The following AIM2 variants were observed in gnomAD, a reference collection of about 807,000 sequenced individuals.
The protein encoded by AIM2 is interferon-inducible protein AIM2.
AIM2 carries 30 observed loss-of-function variants against 27.7 expected under a neutral mutation model. The ratio of observed to expected loss-of-function variants is 1.08; its 90% confidence interval spans 0.81 to 1.47. AIM2 has a LOEUF of 1.47. Ranked by LOEUF, AIM2 falls within the 40% of genes most tolerant of loss-of-function variation. The pLI is 0.00. For missense variants in AIM2, 358 were observed against 411.3 expected (o/e 0.87, Z 1.12); for synonymous variants, 141 against 145.3 (o/e 0.97, Z 0.21).
intron 4 of AIM2, 44 bp from the exon 5 acceptor site, chr1:159,063,718 T>G (rs2101961738): frequency 3.8e-6 from 6 of 1,574,310 alleles, no homozygotes; most frequent in Non-Finnish European, 5.2e-6. Context: ...ATCGGATTAA[T>G]GAATGCCGCA....
intron 1 of AIM2, among the ~76,000 whole-genome samples, chr1:159,132,786 T>C (rs1459622695): frequency 2.0e-5 from 3 of 152,236 alleles, no homozygotes; most frequent in African/African-American, 7.2e-5. Context: ...GGCAGTCCAG[T>C]ACCTCCAAAT....
At chr1:159,067,783 C>G (rs1482949318) in intron 3 of AIM2, among the ~76,000 whole-genome samples, 3 of 152,028 alleles carry the variant, frequency 2.0e-5, no homozygotes, top group African/African-American at 7.2e-5. Context: ...AGAGCTCACA[C>G]AGGTATAAAA....
chr1:159,117,066 A>C (rs770533019), intron 1 of AIM2, among the ~76,000 whole-genome samples: 1 of 152,242 alleles, frequency 6.6e-6, no homozygotes, highest in Non-Finnish European at 1.5e-5. Context: ...AAAATGAGTA[A>C]GTGGCCAGAA....
chr1:159,079,769 A>G (rs1656732118), upstream of AIM2, among the ~76,000 whole-genome samples: 1 of 152,160 alleles, frequency 6.6e-6, no homozygotes. Context: ...GGACAAATGT[A>G]TAATGAGTAT....
chr1:159,118,458 A>G (rs1482189888), intron 1 of AIM2, among the ~76,000 whole-genome samples: 1 of 152,222 alleles, frequency 6.6e-6, no homozygotes, highest in Non-Finnish European at 1.5e-5. Flanking sequence ...ATTCAAAGGC[A>G]GTGATGTTAC....
At chr1:159,082,268 A>G (rs2102000443) in intron 1 of AIM2, among the ~76,000 whole-genome samples, 1 of 152,360 alleles carries the variant, frequency 6.6e-6, no homozygotes, top group South Asian at 2.1e-4. Context: ...AATCACATGT[A>G]CATGTAAGGA....
At chr1:159,102,265 A>T (rs1270943944) in intron 1 of AIM2, among the ~76,000 whole-genome samples, 1 of 152,230 alleles carries the variant, frequency 6.6e-6, no homozygotes, top group Non-Finnish European at 1.5e-5. Context: ...CGCAGAAGAC[A>T]AGAATTGAGG....
At chr1:159,073,995 C>T (rs555180031) in intron 1 of AIM2, among the ~76,000 whole-genome samples, 46 of 152,150 alleles carry the variant, frequency 3.0e-4, no homozygotes, top group African/African-American at 1.0e-3. Context: ...GCCAAGATCG[C>T]GCCATTGCAC....
intron 1 of AIM2, among the ~76,000 whole-genome samples, chr1:159,137,549 C>T (rs1277094593): frequency 6.6e-6 from 1 of 152,106 alleles, no homozygotes; most frequent in Non-Finnish European, 1.5e-5. Context: ...CCCAGCTACT[C>T]AGGAGGCTGA....
intron 1 of AIM2, among the ~76,000 whole-genome samples, chr1:159,133,053 C>G (rs1366866473): frequency 1.3e-5 from 2 of 152,222 alleles, no homozygotes; most frequent in Non-Finnish European, 2.9e-5. Context: ...TACCTTCTTT[C>G]CTTCCAAGGG....
chr1:159,088,098 C>T (rs908110106), intron 1 of AIM2, among the ~76,000 whole-genome samples: 2 of 151,920 alleles, frequency 1.3e-5, no homozygotes, highest in African/African-American at 2.4e-5. Context: ...GGTGGAACAT[C>T]GGGTGGACAG....
intron 1 of AIM2, among the ~76,000 whole-genome samples, chr1:159,084,776 A>AACAC: frequency 4.1e-5 from 1 of 24,146 alleles, no homozygotes; most frequent in African/African-American, 6.6e-5. Context: ...CCCTGTCTGA[A>AACAC]ATACACACAC....
chr1:159,145,190 CTGTGCAGA>C (rs1477178065), upstream of AIM2, among the ~76,000 whole-genome samples: 1 of 152,126 alleles, frequency 6.6e-6, no homozygotes, highest in African/African-American at 2.4e-5. Flanking sequence ...GTGAGACCTA[CTGTGCAGA>C]TGTTCAGGTC....
chr1:159,070,932 AT>A (rs1189964237), intron 2 of AIM2, among the ~76,000 whole-genome samples: 2 of 152,372 alleles, frequency 1.3e-5, no homozygotes, highest in East Asian at 3.9e-4. Context: ...CACATCAGCC[AT>A]ATTTCATTTC....
At chr1:159,123,825 G>A (rs1412654971) in intron 1 of AIM2, among the ~76,000 whole-genome samples, 4 of 152,176 alleles carry the variant, frequency 2.6e-5, no homozygotes, top group Admixed American at 1.3e-4. Flanking sequence ...AAAGACCTAC[G>A]ACCTGCCACA....
downstream of AIM2, among the ~76,000 whole-genome samples, chr1:159,059,269 AAC>A (rs142543433): frequency 1.0e-4 from 15 of 150,710 alleles, no homozygotes; most frequent in East Asian, 3.9e-4. Flanking sequence ...ACACACACCA[AAC>A]ACACACACAC....
At chr1:159,146,205 G>A (rs1648199179) in intron 1 of AIM2, among the ~76,000 whole-genome samples, 1 of 152,060 alleles carries the variant, frequency 6.6e-6, no homozygotes, top group Admixed American at 6.6e-5. Flanking sequence ...TTCAACAAAT[G>A]GGAGGGCAGT....
chr1:159,066,454 T>G (rs1656101384), intron 3 of AIM2, 125 bp from the exon 4 acceptor site: 1 of 968,302 alleles, frequency 1.0e-6, no homozygotes, highest in Admixed American at 2.8e-5. Context: ...AGGGAAGAGA[T>G]ACAGAGGGGA....
intron 1 of AIM2, among the ~76,000 whole-genome samples, chr1:159,146,573 C>T (rs574698962): frequency 6.6e-6 from 1 of 152,250 alleles, no homozygotes; most frequent in East Asian, 1.9e-4. Flanking sequence ...ACTGGCATTC[C>T]CTAATACTTT....
Sources: gnomAD v4.1 joint callset for allele counts (sites outside exome capture counted in the v4.1 genomes callset) on GRCh38, gnomAD v4.1.1 for gene constraint, MANE v1.5 for transcripts, NCBI Gene and HGNC (gene_info 2026-07-23, HGNC 2026-07-21) for gene names.